Variants in TSC22D1 observed in about 807,000 individuals in gnomAD.
TSC22D1 encodes TSC22 domain family member 1.
Under a neutral mutation model 74.2 loss-of-function variants are expected in TSC22D1, and 9 were observed. That is an observed-to-expected ratio of 0.12 (90% CI 0.07 to 0.21). The LOEUF is 0.21. Among genes scored for constraint, TSC22D1 ranks in the 10% least tolerant of loss-of-function variants. The pLI, the probability that TSC22D1 is intolerant of heterozygous loss-of-function variation, is 1.00. For missense variants in TSC22D1, 1,427 were observed against 1,304.7 expected (o/e 1.09, Z -1.44); for synonymous variants, 586 against 492.5 (o/e 1.19, Z -2.51).
chr13:44,436,446 G>GTAT, intron 1 of TSC22D1: 1 of 1,575,822 alleles, frequency 6.3e-7, no homozygotes, highest in Non-Finnish European at 8.7e-7. Context: ...TCTTTCACCT[G>GTAT]TATTATTATA....
At chr13:44,523,047 A>C (rs1449753782) in intron 1 of TSC22D1, among the ~76,000 whole-genome samples, 1 of 151,964 alleles carries the variant, frequency 6.6e-6, no homozygotes, top group Non-Finnish European at 1.5e-5. Flanking sequence ...AAAAAAAAAA[A>C]CATGAAATGG....
chr13:44,503,805 G>C (rs1406595828), intron 1 of TSC22D1, among the ~76,000 whole-genome samples: 1 of 151,858 alleles, frequency 6.6e-6, no homozygotes, highest in Non-Finnish European at 1.5e-5. Context: ...CTTGAATACC[G>C]ATCAATTACA....
intron 1 of TSC22D1, among the ~76,000 whole-genome samples, chr13:44,440,624 A>G (rs929110963): frequency 1.3e-5 from 2 of 151,930 alleles, no homozygotes; most frequent in Admixed American, 1.3e-4. Context: ...TCGGAAAAGA[A>G]AAAGGATAAA....
At chr13:44,472,986 G>A (rs530208890) in intron 1 of TSC22D1, among the ~76,000 whole-genome samples, 79 of 152,260 alleles carry the variant, frequency 5.2e-4, no homozygotes, top group African/African-American at 1.5e-3. Flanking sequence ...CAATTATGAC[G>A]GAAGGCAAGG....
intron 1 of TSC22D1, chr13:44,538,578 A>AT: frequency 2.0e-6 from 2 of 985,412 alleles, no homozygotes; most frequent in Middle Eastern, 5.2e-4. Flanking sequence ...AGCTTCCTCT[A>AT]TTTCAGTCTT....
intron 1 of TSC22D1, among the ~76,000 whole-genome samples, chr13:44,475,029 T>C (rs530990688): frequency 1.3e-5 from 2 of 152,288 alleles, no homozygotes; most frequent in East Asian, 3.9e-4. Flanking sequence ...ATTCTTTGTT[T>C]TTCTATTATT....
intron 1 of TSC22D1, among the ~76,000 whole-genome samples, chr13:44,451,943 CT>C (rs1414721956): frequency 6.6e-6 from 1 of 152,220 alleles, no homozygotes; most frequent in Non-Finnish European, 1.5e-5. Flanking sequence ...AAGGACACCC[CT>C]GTCCTTTCCC....
At chr13:44,531,430 T>C (rs1275157091) in intron 1 of TSC22D1, among the ~76,000 whole-genome samples, 1 of 152,214 alleles carries the variant, frequency 6.6e-6, no homozygotes, top group East Asian at 1.9e-4. Context: ...AGATTATATG[T>C]CCTTGGCCAG....
At chr13:44,499,692 C>T (rs1234026954) in intron 1 of TSC22D1, among the ~76,000 whole-genome samples, 1 of 152,162 alleles carries the variant, frequency 6.6e-6, no homozygotes. Flanking sequence ...TTTCTCAATG[C>T]CACCAATTCT....
Position 44,574,482 on chromosome 13 carries a change from T to C in TSC22D1, c.1593A>G (p.Pro531=). Residue 531 remains proline, a synonymous_variant, in exon 1 of 3, where the codon CCA becomes CCG. Coordinates refer to ENST00000458659, the MANE Select transcript of TSC22D1 (RefSeq NM_183422.4). ...DFGSTGPQSI[P]AVSIPQSISQ... ...AAATACTCTGTGGTATACTAACTGC[T>C]GGAATACTCTGTGGACCAGTGCTAC... 1 of 1,613,992 alleles carries C rather than the reference T, an allele frequency of 6.2e-7. No individual in the cohort carries two copies. The highest frequency in any genetic ancestry group is 1.1e-5 in the South Asian group (1 of 91,078).
upstream of TSC22D1, among the ~76,000 whole-genome samples, chr13:44,576,889 T>C (rs527626201): frequency 2.1e-4 from 32 of 151,820 alleles, no homozygotes; most frequent in African/African-American, 7.7e-4. Flanking sequence ...CTGGCAGCCA[T>C]GGAGCCCGAG....
rs776381497 is a variant in TSC22D1 at position 44,573,154 on chromosome 13, T to A, written c.2912+9A>T. 2.5e-6 allele frequency: 4 copies of A among 1,611,684 alleles called. No individual in the cohort carries two copies. Among genetic ancestry groups the A allele is most frequent in the Non-Finnish European group, 3.4e-6 (4 of 1,178,664 alleles). On this transcript the variant is annotated intron_variant, in intron 1 of 2. Transcript: ENST00000458659. ...GTTGAATGTCTCCAGAAATATGACA[T>A]GATCTTACCTCTCATCCTCGCCATC...
chr13:44,513,642 C>CTGGCTA (rs1324882472), intron 1 of TSC22D1, among the ~76,000 whole-genome samples: 2 of 152,154 alleles, frequency 1.3e-5, no homozygotes, highest in Admixed American at 6.5e-5. Context: ...CTTATAAACC[C>CTGGCTA]TGGCTATGTT....
chr13:44,536,685 G>T, intron 1 of TSC22D1: 1 of 932,004 alleles, frequency 1.1e-6, no homozygotes, highest in Non-Finnish European at 1.3e-6. Context: ...GATCAATCTA[G>T]CATTAAAAGA....
chr13:44,553,188 A>T (rs1000253331), intron 1 of TSC22D1, among the ~76,000 whole-genome samples: 100 of 152,198 alleles, frequency 6.6e-4, no homozygotes, highest in African/African-American at 2.2e-3. Context: ...CTGGTTCTCC[A>T]GGTCAGTAAC....
Position 44,576,167 on chromosome 13 carries a change from C to T in TSC22D1, c.-93G>A. 2.9e-6 allele frequency: 4 copies of T among 1,381,766 alleles called. No individual in the cohort carries two copies. Among genetic ancestry groups the T allele is most frequent in the Non-Finnish European group, 3.8e-6 (4 of 1,065,764 alleles). The allele number at this position is 1,381,766 out of a possible 1,614,324, so 85.6% of individuals were successfully genotyped here. ...GAGACGCCGGAGAGGAAAACGGGAC[C>T]TGACGCTCCGCCTGGCGCGATTCCT... On this transcript the variant is annotated 5_prime_UTR_variant, in exon 1 of 3. Coordinates refer to ENST00000458659, the MANE Select transcript of TSC22D1 (RefSeq NM_183422.4).
intron 1 of TSC22D1, among the ~76,000 whole-genome samples, chr13:44,482,000 CTT>C (rs1179475121): frequency 1.3e-5 from 2 of 152,138 alleles, no homozygotes; most frequent in East Asian, 3.8e-4. Flanking sequence ...GTCACAATTT[CTT>C]TGTTCCTTCT....
Position 44,575,787 on chromosome 13 carries a change from C to T in TSC22D1, c.288G>A (p.Gln96=). Residue 96 remains glutamine (Q), a synonymous_variant, in exon 1 of 3, where the codon CAG becomes CAA. Coordinates refer to ENST00000458659, the MANE Select transcript of TSC22D1 (RefSeq NM_183422.4). ...NLLSQAQLQA[Q]PLAPGGTQMK... ...TTTGAGTTCCGCCTGGCGCAAGAGG[C>T]TGTGCCTGCAGCTGAGCCTGCGAAA... is the stretch of plus-strand genomic sequence containing the variant. 6.2e-7 allele frequency: 1 copy of T among 1,612,956 alleles called. No homozygotes were observed. Among genetic ancestry groups the T allele is most frequent in the African/African-American group, 1.3e-5 (1 of 74,674 alleles).
chr13:44,510,112 G>A (rs926615223), intron 1 of TSC22D1, among the ~76,000 whole-genome samples: 2 of 151,878 alleles, frequency 1.3e-5, no homozygotes, highest in African/African-American at 4.8e-5. Flanking sequence ...CGCTAGGCAC[G>A]GTGGCTCACA....
Sources: gnomAD v4.1 joint callset for allele counts (sites outside exome capture counted in the v4.1 genomes callset) on GRCh38, gnomAD v4.1.1 for gene constraint, MANE v1.5 for transcripts, NCBI Gene and HGNC (gene_info 2026-07-23, HGNC 2026-07-21) for gene names.